Variants in PCDH15 observed in about 807,000 individuals in gnomAD.
PCDH15 encodes the protein protocadherin related 15.
PCDH15 carries 129 observed loss-of-function variants against 178.5 expected under a neutral mutation model. The ratio of observed to expected loss-of-function variants is 0.72; its 90% CI spans 0.63 to 0.84. The LOEUF is 0.84. PCDH15 is among the 40% of genes least tolerant of loss of function. The pLI is 0.00. For synonymous variants in PCDH15, 800 were observed against 732.0 expected (o/e 1.09, Z -1.50); for missense variants, 2,230 against 2,099.9 (o/e 1.06, Z -1.21).
At chr10:54,580,844 C>A (rs1426013754) in intron 2 of PCDH15, among the ~76,000 whole-genome samples, 3 of 152,058 alleles carry the variant, frequency 2.0e-5, no homozygotes, top group Middle Eastern at 6.8e-3. Flanking sequence ...AAAACAAAAA[C>A]CATGTAATTA....
At chr10:53,989,248 A>T (rs2091309588) in intron 21 of PCDH15, among the ~76,000 whole-genome samples, 1 of 152,146 alleles carries the variant, frequency 6.6e-6, no homozygotes, top group Non-Finnish European at 1.5e-5. Flanking sequence ...TTTATTTAGT[A>T]ACACATTATG....
At chr10:55,531,132 C>G (rs1464707198) in intron 2 of PCDH15, among the ~76,000 whole-genome samples, 1 of 151,896 alleles carries the variant, frequency 6.6e-6, no homozygotes, top group Non-Finnish European at 1.5e-5. Context: ...AGTGTTTTAG[C>G]TATTTTTAAA....
intron 2 of PCDH15, among the ~76,000 whole-genome samples, chr10:55,035,217 G>T (rs2131970600): frequency 6.6e-6 from 1 of 152,230 alleles, no homozygotes; most frequent in African/African-American, 2.4e-5. Flanking sequence ...TTAGCATGTT[G>T]AGTGGATAAT....
chr10:55,141,757 T>C (rs1416676384), intron 2 of PCDH15, among the ~76,000 whole-genome samples: 2 of 152,136 alleles, frequency 1.3e-5, no homozygotes, highest in African/African-American at 2.4e-5. Flanking sequence ...CAGATGGTTA[T>C]GTAAATTGCA....
chr10:55,433,479 T>C (rs1441051007), intron 2 of PCDH15, among the ~76,000 whole-genome samples: 1 of 152,142 alleles, frequency 6.6e-6, no homozygotes, highest in Non-Finnish European at 1.5e-5. Flanking sequence ...ACTATGCTTA[T>C]TACCTGGGTG....
intron 35 of PCDH15, among the ~76,000 whole-genome samples, chr10:53,814,807 T>C (rs905583165): frequency 2.1e-4 from 32 of 151,868 alleles, no homozygotes; most frequent in African/African-American, 7.7e-4. Flanking sequence ...CTACTAAAAA[T>C]ACAAAAATTA....
At chr10:54,225,880 G>C (rs1325159227) in intron 9 of PCDH15, among the ~76,000 whole-genome samples, 3 of 152,160 alleles carry the variant, frequency 2.0e-5, no homozygotes, top group Non-Finnish European at 2.9e-5. Context: ...CTGTGTCTCT[G>C]TATGTTTTAG....
At position 54,753,002 on chromosome 10, in the gene PCDH15, TGAG is replaced by T. The variant is rs1451442013; in HGVS notation, c.-29+47920_-29+47922del. On this transcript the variant is annotated intron_variant, in intron 1 of 37. Coordinates refer to ENST00000644397, the MANE Select transcript of PCDH15 (RefSeq NM_001384140.1). The stretch of plus-strand genomic sequence containing the variant: ...TATTGACAATATAATTCTATGCCAA[TGAG>T]TAGTTTTGAATTCAGCACCATATAC... Among the ~76,000 whole-genome samples, 3 of 152,236 alleles carry T rather than the reference TGAG, an allele frequency of 2.0e-5. No homozygotes were observed. The East Asian group carries it at 5.8e-4, about 29-fold the overall frequency.
intron 2 of PCDH15, among the ~76,000 whole-genome samples, chr10:55,104,879 T>A (rs566828269): frequency 2.0e-5 from 3 of 152,164 alleles, no homozygotes; most frequent in Non-Finnish European, 4.4e-5. Flanking sequence ...GGAGATCACA[T>A]TTTACTGTGA....
At chr10:54,164,491 A>C (rs1315796606) in intron 13 of PCDH15, among the ~76,000 whole-genome samples, 1 of 152,224 alleles carries the variant, frequency 6.6e-6, no homozygotes, top group Non-Finnish European at 1.5e-5. Context: ...GTGTAAACTA[A>C]TATACCCAGT....
In PCDH15 at chr10:54,327,120, A is replaced by G. The variant is rs574140923; in HGVS notation, c.705+2476T>C. Among the ~76,000 whole-genome samples, 3 of 152,108 alleles carry G rather than the reference A, an allele frequency of 2.0e-5. No homozygotes were observed. The East Asian group carries it at 5.8e-4, about 29-fold the overall frequency. On this transcript the variant is annotated intron_variant, in intron 7 of 37. Transcript: ENST00000644397. Reference sequence around the variant, plus strand: ...TTCCAGATGTCTTTATAAATATTTTAAAACTAGACACCAATTCAGAATCTT... The same window carrying G: ...TTCCAGATGTCTTTATAAATATTTTGAAACTAGACACCAATTCAGAATCTT...
At chr10:55,098,919 A>C (rs1476833832) in intron 2 of PCDH15, among the ~76,000 whole-genome samples, 1 of 147,152 alleles carries the variant, frequency 6.8e-6, no homozygotes, top group Non-Finnish European at 1.5e-5. Context: ...AGAGAGAGAG[A>C]GAGAGAGAGA....
intron 16 of PCDH15, among the ~76,000 whole-genome samples, chr10:54,088,752 C>A (rs539646688): frequency 6.6e-6 from 1 of 152,068 alleles, no homozygotes; most frequent in Non-Finnish European, 1.5e-5. Flanking sequence ...GAAATTCATT[C>A]TCTTGCATAT....
At chr10:54,522,923 A>T (rs1377548633) in intron 3 of PCDH15, among the ~76,000 whole-genome samples, 2 of 152,196 alleles carry the variant, frequency 1.3e-5, no homozygotes, top group African/African-American at 4.8e-5. Context: ...CTAAACTTTG[A>T]CTAGGAACTA....
At chr10:54,617,755 C>CAAAA (rs71010398) in intron 2 of PCDH15, among the ~76,000 whole-genome samples, 153 of 117,116 alleles carry the variant, frequency 1.3e-3, no homozygotes, top group Admixed American at 8.8e-3. Context: ...TCTAAAAATA[C>CAAAA]AAAAAAAAAA....
intron 2 of PCDH15, among the ~76,000 whole-genome samples, chr10:54,612,959 C>T (rs1039822268): frequency 6.6e-6 from 1 of 151,624 alleles, no homozygotes; most frequent in Non-Finnish European, 1.5e-5. Context: ...AACTCTAGCT[C>T]TTTATAACTT....
At position 54,406,486 on chromosome 10, in the gene PCDH15, G is replaced by A. The variant is rs371732279; in HGVS notation, c.158-27544C>T. Among the ~76,000 whole-genome samples the A allele has an allele frequency of 1.8e-3, 277 of 152,002 alleles. 1 individual carries two copies. Among genetic ancestry groups the A allele is most frequent in the African/African-American group, 6.1e-3 (251 of 41,454 alleles). ...TCTTCCTCCTCCTTTCTCCTCTTCTGCCTCTTTTTCTACCTCTTATTTTGA... is the reference window on the plus strand; with the variant it reads ...TCTTCCTCCTCCTTTCTCCTCTTCTACCTCTTTTTCTACCTCTTATTTTGA... On this transcript the variant is annotated intron_variant, in intron 3 of 37. Coordinates refer to ENST00000644397, the MANE Select transcript of PCDH15 (RefSeq NM_001384140.1).
At chr10:54,128,708 G>T (rs2042182822) in intron 15 of PCDH15, among the ~76,000 whole-genome samples, 2 of 152,082 alleles carry the variant, frequency 1.3e-5, no homozygotes, top group Non-Finnish European at 2.9e-5. Context: ...AACTTTTTGA[G>T]ATAAAATCTG....
intron 2 of PCDH15, among the ~76,000 whole-genome samples, chr10:54,582,345 T>C (rs1026588217): frequency 2.0e-5 from 3 of 152,062 alleles, no homozygotes; most frequent in Admixed American, 6.6e-5. Flanking sequence ...ATAAAGATTG[T>C]TAAGTTCCAT....
Sources: gnomAD v4.1 joint callset for allele counts (sites outside exome capture counted in the v4.1 genomes callset) on GRCh38, gnomAD v4.1.1 for gene constraint, MANE v1.5 for transcripts, NCBI Gene and HGNC (gene_info 2026-07-23, HGNC 2026-07-21) for gene names.